Variants in HTR4 observed in about 807,000 individuals in gnomAD.
HTR4 encodes the protein 5-hydroxytryptamine receptor 4, also known as 5-hydroxytryptamine (serotonin) receptor 4, G protein-coupled.
In HTR4, 16 loss-of-function variants were observed where a neutral mutation model predicts 36.8. The observed-to-expected ratio is 0.43, with a 90% CI of 0.29 to 0.66. HTR4 has a LOEUF of 0.66. HTR4 is among the 30% of genes least tolerant of loss of function. The pLI, the probability that HTR4 is intolerant of heterozygous loss-of-function variation, is 0.13. For missense variants in HTR4, 438 were observed against 490.9 expected (o/e 0.89, Z 1.02); for synonymous variants, 189 against 185.1 (o/e 1.02, Z -0.17).
chr5:148,628,134 T>TG (rs1468144712), intron 2 of HTR4, among the ~76,000 whole-genome samples: 2 of 152,230 alleles, frequency 1.3e-5, no homozygotes, highest in African/African-American at 4.8e-5. Context: ...TGAACATATC[T>TG]GCTAGGCCTT....
At chr5:148,636,522 C>T (rs556145476) in intron 2 of HTR4, among the ~76,000 whole-genome samples, 56 of 152,210 alleles carry the variant, frequency 3.7e-4, no homozygotes, top group Non-Finnish European at 7.2e-4. Flanking sequence ...CAAAACGAAA[C>T]AAAAACCATT....
At chr5:148,554,652 T>A (rs1759847763) in intron 2 of HTR4, among the ~76,000 whole-genome samples, 1 of 152,242 alleles carries the variant, frequency 6.6e-6, no homozygotes, top group Admixed American at 6.5e-5. Context: ...TGCACACCAC[T>A]GTGAATGTTC....
intron 2 of HTR4, among the ~76,000 whole-genome samples, chr5:148,594,728 A>G (rs1287568749): frequency 6.6e-6 from 1 of 152,178 alleles, no homozygotes; most frequent in Non-Finnish European, 1.5e-5. Flanking sequence ...CTGGAAGCCC[A>G]GAGACCCAAT....
At position 148,484,345 on chromosome 5, in the gene HTR4, T is replaced by G. The variant is rs538737262; in HGVS notation, c.1077-1052A>C. 3.1e-6 allele frequency: 5 copies of G among 1,613,120 alleles called. No individual in the cohort carries two copies. The South Asian group carries it at 5.5e-5, about 18-fold the overall frequency. On this transcript the variant is annotated intron_variant, in intron 6 of 6. Coordinates refer to ENST00000377888, the MANE Select transcript of HTR4 (RefSeq NM_000870.7). ...GCTCTGGCAGGCTTTGTCCAATACC[T>G]TGCTAAAATGTCTCTGTCAAACAGA...
At chr5:148,562,654 G>A (rs1467586096) in intron 2 of HTR4, among the ~76,000 whole-genome samples, 4 of 152,036 alleles carry the variant, frequency 2.6e-5, no homozygotes, top group Admixed American at 6.6e-5. Context: ...TAGTATATGA[G>A]ACAGCTTAAA....
rs199857988 is a variant in HTR4, at chr5:148,523,307, G to T, written c.393C>A (p.Asn131Lys). Residue 131 changes from asparagine (N) to lysine (K), a missense_variant, in exon 5 of 7, where the codon AAC becomes AAA. Coordinates refer to ENST00000377888, the MANE Select transcript of HTR4 (RefSeq NM_000870.7). ...AICCQPLVYR[N>K]KMTPLRIALM... ...ATGCGATGCGCAGAGGGGTCATCTT[G>T]TTCCTATAGACCAAAGGCTGGCAGC... is the stretch of plus-strand genomic sequence containing the variant. 2 of 1,613,070 alleles carry T rather than the reference G, an allele frequency of 1.2e-6. No homozygotes were observed. The highest frequency in any genetic ancestry group is 1.1e-5 in the South Asian group (1 of 90,918).
At chr5:148,476,689 A>G, downstream of HTR4, 1 of 1,585,094 alleles carries the variant, frequency 6.3e-7, no homozygotes, top group Non-Finnish European at 8.6e-7. Flanking sequence ...TGTGTTGGGC[A>G]CTAAGAAAAA....
intron 2 of HTR4, among the ~76,000 whole-genome samples, chr5:148,582,046 CTTAG>C (rs1037064969): frequency 5.9e-5 from 9 of 151,948 alleles, no homozygotes; most frequent in Non-Finnish European, 1.3e-4. Context: ...CTTTCACCTC[CTTAG>C]TTAGGTTTAT....
At position 148,548,668 on chromosome 5, in the gene HTR4, C is replaced by T. The variant is rs1466676195; in HGVS notation, c.353G>A (p.Arg118Lys). 6.3e-7 allele frequency: 1 copy of T among 1,598,108 alleles called. No homozygotes were observed. Among genetic ancestry groups the T allele is most frequent in the African/African-American group, 1.3e-5 (1 of 74,378 alleles). ...IFHLCCISLDRYYAICCQPLV... is the reference protein window; with the variant it reads ...IFHLCCISLDKYYAICCQPLV... ...GCTATGCACATTGTTCTGTCCTTAC[C>T]TATCCAGAGAAATGCAGCACAGGTG... Residue 118 changes from arginine (R) to lysine (K), a missense_variant and splice_region_variant, in exon 4 of 7, where the codon AGG (arginine) becomes AAG (lysine). Physicochemically the swap from Arg to Lys is conservative, Grantham distance 26. Coordinates refer to ENST00000377888, the MANE Select transcript of HTR4 (RefSeq NM_000870.7).
At position 148,483,280 on chromosome 5, in the gene HTR4, A is replaced by G. The variant is rs201432293; in HGVS notation, c.1090T>C (p.Cys364Arg). ...CACTGACTCTCCCACTGGCCACCAC[A>G]CTCCACTGCATCCCTAGAGAGAGGA... ...STHVLRDAVE[C>R]GGQWESQCHP... The change falls in exon 7 of 7, where the codon TGT becomes CGT. Residue 364 changes from cysteine (C) to arginine (R), a missense_variant. Physicochemically the swap from Cys to Arg is radical, Grantham distance 180 (BLOSUM62 -3). Coordinates refer to ENST00000377888, the MANE Select transcript of HTR4 (RefSeq NM_000870.7). 57 of 1,613,054 alleles carry G rather than the reference A, an allele frequency of 3.5e-5. No homozygotes were observed. The East Asian group carries it at 1.2e-3, about 35-fold the overall frequency.
At chr5:148,598,950 A>G (rs1761886101) in intron 2 of HTR4, among the ~76,000 whole-genome samples, 3 of 152,204 alleles carry the variant, frequency 2.0e-5, no homozygotes, top group Non-Finnish European at 4.4e-5. Flanking sequence ...AAATCAATGT[A>G]AATTCTAGAA....
chr5:148,465,775 C>A, intron 5 of HTR4: 2 of 1,546,622 alleles, frequency 1.3e-6, no homozygotes, highest in Non-Finnish European at 1.7e-6. Flanking sequence ...TATAAACAGA[C>A]ACTTAAGGAT....
chr5:148,598,915 CA>C (rs1761884235), intron 2 of HTR4, among the ~76,000 whole-genome samples: 2 of 151,936 alleles, frequency 1.3e-5, no homozygotes. Context: ...GACAGAATTT[CA>C]CAAGTAGATT....
intron 2 of HTR4, among the ~76,000 whole-genome samples, chr5:148,555,259 T>C (rs1759893684): frequency 2.0e-5 from 3 of 152,182 alleles, no homozygotes; most frequent in Admixed American, 2.0e-4. Flanking sequence ...TTTCTTATAC[T>C]GTCTTTACTC....
intron 2 of HTR4, among the ~76,000 whole-genome samples, chr5:148,621,061 T>C (rs1002687065): frequency 6.6e-6 from 1 of 152,250 alleles, no homozygotes; most frequent in Non-Finnish European, 1.5e-5. Flanking sequence ...AAAGGAATAT[T>C]AGCAGAATCA....
chr5:148,475,002 G>A (rs773537853), downstream of HTR4, among the ~76,000 whole-genome samples: 11 of 151,728 alleles, frequency 7.2e-5, no homozygotes, highest in Non-Finnish European at 1.2e-4. Context: ...CCGAGATGGC[G>A]CCACTGCACT....
chr5:148,503,598 A>C (rs532273654), intron 6 of HTR4, among the ~76,000 whole-genome samples: 20 of 152,350 alleles, frequency 1.3e-4, no homozygotes, highest in South Asian at 4.1e-4. Flanking sequence ...CGAGCAAAAT[A>C]ACCAGCTAAC....
At chr5:148,606,179 A>G (rs146274999) in intron 2 of HTR4, among the ~76,000 whole-genome samples, 5 of 152,262 alleles carry the variant, frequency 3.3e-5, no homozygotes, top group Middle Eastern at 3.4e-3. Context: ...AATTTGAAAT[A>G]TGAGAAGTAC....
At chr5:148,535,505 G>A (rs1438941376) in intron 4 of HTR4, among the ~76,000 whole-genome samples, 1 of 152,116 alleles carries the variant, frequency 6.6e-6, no homozygotes, top group Non-Finnish European at 1.5e-5. Flanking sequence ...TGATACAGAA[G>A]CTGAAGGATG....
Sources: allele counts gnomAD v4.1 joint callset (sites outside exome capture counted in the v4.1 genomes callset), GRCh38; gene constraint gnomAD v4.1.1; transcripts MANE v1.5; gene names NCBI Gene and HGNC (gene_info 2026-07-23, HGNC 2026-07-21).